Variants in FRY observed in about 807,000 individuals in gnomAD.
FRY encodes the protein FRY microtubule binding protein.
FRY carries 128 observed loss-of-function variants against 348.4 expected under a neutral mutation model. The ratio of observed to expected loss-of-function variants is 0.37; its 90% confidence interval spans 0.32 to 0.43. The LOEUF (loss-of-function observed/expected upper bound fraction) is 0.43. Among genes scored for constraint, FRY ranks in the 20% least tolerant of loss-of-function variants. The probability of loss-of-function intolerance (pLI) is 1.00; values close to 1 mark genes in which losing one functional copy is unlikely to be tolerated. For missense variants in FRY, 2,736 were observed against 3,695.2 expected, an observed-to-expected ratio of 0.74 and a Z score of 6.73; for synonymous variants, 1,370 against 1,374.7, an observed-to-expected ratio of 1.00 and a Z score of 0.08.
intron 28 of FRY, among the ~76,000 whole-genome samples, chr13:32,192,225 A>C (rs535759276): frequency 1.3e-5 from 2 of 152,214 alleles, no homozygotes; most frequent in Non-Finnish European, 2.9e-5. Context: ...TCTAAAGTAC[A>C]ATAAAAGCTT....
chr13:32,091,685 T>C (rs1876323382), intron 2 of FRY, among the ~76,000 whole-genome samples: 1 of 152,238 alleles, frequency 6.6e-6, no homozygotes. Context: ...CGTGTTCTGG[T>C]GAAGAAGAGA....
chr13:32,139,135 C>T (rs536614553), intron 11 of FRY, among the ~76,000 whole-genome samples: 6 of 152,036 alleles, frequency 3.9e-5, no homozygotes, highest in African/African-American at 9.7e-5. Context: ...TTGAATGGAC[C>T]GTTTAAAAAA....
At chr13:32,201,018 C>T (rs1883992217) in intron 29 of FRY, among the ~76,000 whole-genome samples, 2 of 152,184 alleles carry the variant, frequency 1.3e-5, no homozygotes, top group Non-Finnish European at 2.9e-5. Context: ...TGGCCCCCCT[C>T]CCCAGGGCAA....
intron 31 of FRY, among the ~76,000 whole-genome samples, chr13:32,204,457 G>A (rs1167111880): frequency 1.3e-5 from 2 of 152,076 alleles, no homozygotes; most frequent in East Asian, 1.9e-4. Context: ...CTCAGCCAAG[G>A]GGCAGGGGAA....
chr13:32,268,212 C>T (rs919919126), intron 55 of FRY, among the ~76,000 whole-genome samples: 1 of 152,184 alleles, frequency 6.6e-6, no homozygotes, highest in African/African-American at 2.4e-5. Flanking sequence ...ATGCATCTTT[C>T]TGTAAACTTT....
At chr13:32,056,205 AAGGAAT>A (rs1873615522) in intron 1 of FRY, among the ~76,000 whole-genome samples, 2 of 151,372 alleles carry the variant, frequency 1.3e-5, no homozygotes, top group Non-Finnish European at 2.9e-5. Context: ...AAAAAAAAAA[AAGGAAT>A]ATACCTGGCA....
At chr13:32,214,498 GTTC>G (rs1222056535) in intron 35 of FRY, among the ~76,000 whole-genome samples, 3 of 152,124 alleles carry the variant, frequency 2.0e-5, no homozygotes, top group African/African-American at 4.8e-5. Flanking sequence ...AGTGTAGACA[GTTC>G]TTCTTCCAGT....
At chr13:32,159,114 C>T (rs1231080929) in intron 16 of FRY, among the ~76,000 whole-genome samples, 2 of 151,892 alleles carry the variant, frequency 1.3e-5, no homozygotes, top group Non-Finnish European at 2.9e-5. Flanking sequence ...AATGTTCAAA[C>T]TTTTTCTAAG....
rs200393552 is a variant in FRY at position 32,239,271 on chromosome 13, G to A, written c.6438G>A (p.Leu2146=). Residue 2146 remains leucine (L), a synonymous_variant, in exon 45 of 61, where the codon TTG becomes TTA. Coordinates refer to ENST00000542859, the MANE Select transcript of FRY (RefSeq NM_023037.3). This position sits in a 1 kb window ranked among gnomAD's most constrained non-coding sequence, Gnocchi z 4.3. The stretch of plus-strand genomic sequence containing the variant: ...ATCCAGGGTTTCCACTGAATGTCTT[G>A]TGTCTCCTGCCTCAGCTGATTCAGC... ...SHAIGFPLNV[L]CLLPQLIQHF... is the part of the protein sequence containing the mutation. 81 of 1,605,556 alleles carry A rather than the reference G, an allele frequency of 5.0e-5. No individual in the cohort carries two copies. Among genetic ancestry groups the A allele is most frequent in the Non-Finnish European group, 6.2e-5 (73 of 1,172,404 alleles).
intron 24 of FRY, among the ~76,000 whole-genome samples, chr13:32,183,805 A>G (rs1430266573): frequency 1.7e-4 from 25 of 151,186 alleles, no homozygotes; most frequent in Admixed American, 1.5e-3. Context: ...AAAACCTAGA[A>G]AAGGAGGCTT....
At chr13:32,211,116 G>T (rs1167605649) in intron 34 of FRY, 82 bp downstream of exon 34, 2 of 1,306,536 alleles carry the variant, frequency 1.5e-6, no homozygotes, top group Non-Finnish European at 2.2e-6. Context: ...ATATGAGAAT[G>T]TGTTTGTTAC....
In FRY at chr13:32,237,465, C is replaced by A; in HGVS notation, c.5897C>A (p.Thr1966Asn). The stretch of plus-strand genomic sequence containing the variant: ...CAACTAAACATGAACCCGGGAACCA[C>A]CAGCGGCAACACCGCAACTGCCGAA... ...TGQLNMNPGTTSGNTATAERS... is the reference protein window; with the variant it reads ...TGQLNMNPGTNSGNTATAERS... Residue 1966 changes from threonine to asparagine, a missense_variant, in exon 44 of 61, where the codon ACC becomes AAC. Thr to Asn is a moderately conservative substitution (Grantham distance 65). Around this residue, in one of 9 missense-constraint regions of FRY, gnomAD observed 794 missense variants for 977.0 expected, o/e 0.81. Transcript: ENST00000542859. The surrounding 1 kb of genome is among the most constrained non-coding windows in gnomAD (Gnocchi z 6.3). The A allele has an allele frequency of 2.5e-6, 4 of 1,614,108 alleles. No individual in the cohort carries two copies. Among genetic ancestry groups the A allele is most frequent in the Non-Finnish European group, 3.4e-6 (4 of 1,180,000 alleles).
intron 7 of FRY, 33 bp from the exon 8 acceptor site, chr13:32,131,639 A>G (rs373762870): frequency 4.5e-6 from 7 of 1,563,010 alleles, no homozygotes; most frequent in African/African-American, 4.0e-5. Context: ...TTCCTACCCA[A>G]TATTTGATAA....
At chr13:32,095,470 C>T (rs1192388782) in intron 2 of FRY, among the ~76,000 whole-genome samples, 1 of 149,308 alleles carries the variant, frequency 6.7e-6, no homozygotes, top group Non-Finnish European at 1.5e-5. Flanking sequence ...CCTCAGCCTC[C>T]CAAGTGGCTG....
intron 3 of FRY, among the ~76,000 whole-genome samples, chr13:32,107,417 T>G (rs569367464): frequency 6.6e-6 from 1 of 152,280 alleles, no homozygotes; most frequent in African/African-American, 2.4e-5. Context: ...CTAAACAGGA[T>G]TTTTAAAGCT....
chr13:32,274,433 C>A (rs1396429100), intron 55 of FRY, among the ~76,000 whole-genome samples: 1 of 152,046 alleles, frequency 6.6e-6, no homozygotes. Context: ...CAGGGCCAGA[C>A]GCAGTGGCTC....
At chr13:32,280,569 A>G (rs949252424) in intron 58 of FRY, among the ~76,000 whole-genome samples, 12 of 152,244 alleles carry the variant, frequency 7.9e-5, no homozygotes, top group Non-Finnish European at 1.2e-4. Flanking sequence ...AGTCCAGAGA[A>G]CAGTTATATC....
chr13:32,213,580 A>G (rs1884808672), intron 35 of FRY, among the ~76,000 whole-genome samples: 1 of 152,244 alleles, frequency 6.6e-6, no homozygotes, highest in Non-Finnish European at 1.5e-5. Flanking sequence ...TTACTTTTTA[A>G]AATCTATATT....
At chr13:32,049,177 G>C (rs1288867589) in intron 1 of FRY, among the ~76,000 whole-genome samples, 2 of 152,310 alleles carry the variant, frequency 1.3e-5, no homozygotes, top group African/African-American at 4.8e-5. Context: ...GAGGGAAGAG[G>C]CTGAGGGATA....
Sources: allele counts gnomAD v4.1 joint callset (sites outside exome capture counted in the v4.1 genomes callset), GRCh38; gene constraint gnomAD v4.1.1; regional missense constraint gnomAD v4.1.1; non-coding constraint Gnocchi (gnomAD v3.1); transcripts MANE v1.5; gene names NCBI Gene and HGNC (gene_info 2026-07-23, HGNC 2026-07-21).